The following CACNA1D variants were observed in gnomAD, a reference collection of about 807,000 sequenced individuals.
The protein encoded by CACNA1D is voltage-dependent L-type calcium channel subunit alpha-1D.
CACNA1D carries 55 observed loss-of-function variants against 257.1 expected under a neutral mutation model. The observed-to-expected ratio is 0.21, with a 90% CI of 0.17 to 0.27. CACNA1D has a LOEUF of 0.27. CACNA1D is among the 10% of genes least tolerant of loss of function. The pLI is 1.00. For missense variants in CACNA1D, 1,876 were observed against 2,784.0 expected (o/e 0.67, Z 7.34); for synonymous variants, 980 against 1,014.9 (o/e 0.97, Z 0.65).
Position 53,529,435 on chromosome 3 carries a change from GTTCTTGAGGGATATTGGGTCTGTACATT to G in CACNA1D, c.483+27721_483+27748del. 2.0e-5 allele frequency among the ~76,000 whole-genome samples: 3 copies of G among 152,240 alleles called. No homozygotes were observed. The South Asian group carries it at 6.2e-4, about 32-fold the overall frequency. ...TTTAGCATAGGCTTTTTACATGTAT[GTTCTTGAGGGATATTGGGTCTGTACATT>G]TTCTTTGTAATGTCCCTGTCTGGCT... On this transcript the variant is annotated intron_variant, in intron 3 of 47. Transcript: ENST00000350061.
chr3:53,554,822 G>A (rs973529373), intron 3 of CACNA1D, among the ~76,000 whole-genome samples: 1 of 152,134 alleles, frequency 6.6e-6, no homozygotes, highest in Non-Finnish European at 1.5e-5. Context: ...CCTAAAGCTG[G>A]TTAAGTTCTT....
At chr3:53,544,575 A>G (rs1459203787) in intron 3 of CACNA1D, among the ~76,000 whole-genome samples, 1 of 152,224 alleles carries the variant, frequency 6.6e-6, no homozygotes. Context: ...TGAGTCATCA[A>G]TCATTTGCCT....
At chr3:53,696,054 C>T (rs749163993) in intron 8 of CACNA1D, among the ~76,000 whole-genome samples, 5 of 152,182 alleles carry the variant, frequency 3.3e-5, no homozygotes, top group African/African-American at 1.2e-4. Flanking sequence ...ACCTCAACCT[C>T]CCAGGCTCGG....
At chr3:53,635,217 G>T (rs1170725700) in intron 3 of CACNA1D, among the ~76,000 whole-genome samples, 7 of 152,176 alleles carry the variant, frequency 4.6e-5, no homozygotes, top group African/African-American at 1.7e-4. Context: ...CGCCATGCCT[G>T]CTGGAGGACA....
intron 40 of CACNA1D, chr3:53,799,969 C>G (rs904610300): frequency 4.1e-6 from 2 of 485,554 alleles, no homozygotes; most frequent in Middle Eastern, 6.0e-4. Flanking sequence ...GATCCTAGCA[C>G]TAGTAACCAG....
intron 3 of CACNA1D, among the ~76,000 whole-genome samples, chr3:53,618,906 A>G (rs1028271345): frequency 6.6e-6 from 1 of 152,120 alleles, no homozygotes; most frequent in Middle Eastern, 3.2e-3. Flanking sequence ...TTTGACCTCA[A>G]TATCATTATT....
chr3:53,718,719 C>T lies in CACNA1D; in HGVS notation c.1478+331C>T, dbSNP rs1576451128. ...ACGGAGAGGCGCGGCCAAGGCGGGG[C>T]CCTCTGGGTGTCGGCGGTGGGGGTA... On this transcript the variant is annotated intron_variant, in intron 10 of 47. Coordinates refer to ENST00000350061, the MANE Select transcript of CACNA1D (RefSeq NM_001128840.3). 6.4e-7 allele frequency: 1 copy of T among 1,558,934 alleles called. No individual in the cohort carries two copies. The highest frequency in any genetic ancestry group is 8.7e-7 in the Non-Finnish European group (1 of 1,151,374).
chr3:53,546,044 C>A (rs2092405193), intron 3 of CACNA1D, among the ~76,000 whole-genome samples: 1 of 152,076 alleles, frequency 6.6e-6, no homozygotes, highest in African/African-American at 2.4e-5. Flanking sequence ...ATGTCTAAGG[C>A]TCGTGGATGG....
At chr3:53,505,110 T>C (rs1295230696) in intron 3 of CACNA1D, among the ~76,000 whole-genome samples, 3 of 142,924 alleles carry the variant, frequency 2.1e-5, no homozygotes, top group African/African-American at 7.9e-5. Flanking sequence ...TTTATTTGTT[T>C]ATTTGTTTTT....
chr3:53,800,419 A>G lies in CACNA1D; in HGVS notation c.5040+54A>G. 1.7e-6 allele frequency: 2 copies of G among 1,207,200 alleles called. No homozygotes were observed. Among genetic ancestry groups the G allele is most frequent in the Non-Finnish European group, 2.5e-6 (2 of 808,552 alleles). 74.8% of individuals were successfully genotyped at this position (1,207,200 alleles called of 1,614,324 possible). A position where few individuals can be genotyped will look rare whatever the true frequency, so the allele number is the denominator to read the frequency against. On this transcript the variant is annotated intron_variant, in intron 41 of 47. Coordinates refer to ENST00000350061, the MANE Select transcript of CACNA1D (RefSeq NM_001128840.3). The surrounding 1 kb of genome is among the most constrained non-coding windows in gnomAD (Gnocchi z 4.3). Reference sequence around the variant, plus strand: ...GGCCATCTGGAAATAGCAGGGCAGGACTCCAGTTTGGGCAGTTAATCATCC... The same window carrying G: ...GGCCATCTGGAAATAGCAGGGCAGGGCTCCAGTTTGGGCAGTTAATCATCC...
intron 39 of CACNA1D, among the ~76,000 whole-genome samples, chr3:53,784,461 T>C (rs2095442369): frequency 1.3e-5 from 2 of 152,230 alleles, no homozygotes; most frequent in South Asian, 2.1e-4. Context: ...GAACTCTTCC[T>C]TGGGCCCAGT....
intron 3 of CACNA1D, among the ~76,000 whole-genome samples, chr3:53,502,914 T>A (rs940011204): frequency 6.6e-6 from 1 of 152,172 alleles, no homozygotes; most frequent in African/African-American, 2.4e-5. Context: ...GTTCCGTTTG[T>A]TTTTGGCTTC....
chr3:53,616,440 T>C (rs2093637580), intron 3 of CACNA1D, among the ~76,000 whole-genome samples: 1 of 152,122 alleles, frequency 6.6e-6, no homozygotes, highest in African/African-American at 2.4e-5. Flanking sequence ...CTTTCTCTGC[T>C]CTCCCTCACA....
In CACNA1D at chr3:53,811,395, A is replaced by T; in HGVS notation, c.6475A>T (p.Thr2159Ser). ...EDLADEMICI[T>S]TL Reference sequence around the variant, plus strand: ...CCTGGCGGATGAAATGATATGCATCACCACCTTGTAGCCCCCAGCGAGGGG... The same window carrying T: ...CCTGGCGGATGAAATGATATGCATCTCCACCTTGTAGCCCCCAGCGAGGGG... Residue 2159 changes from threonine to serine, a missense_variant, in exon 48 of 48, where the codon ACC becomes TCC. Physicochemically the swap from Thr to Ser is moderately conservative, Grantham distance 58 (BLOSUM62 1). Coordinates refer to ENST00000350061, the MANE Select transcript of CACNA1D (RefSeq NM_001128840.3). This position sits in a 1 kb window ranked among gnomAD's most constrained non-coding sequence, Gnocchi z 4.2. 1.3e-6 allele frequency: 2 copies of T among 1,566,924 alleles called. No individual in the cohort carries two copies. The highest frequency in any genetic ancestry group is 2.4e-5 in the South Asian group (2 of 83,494).
At position 53,512,362 on chromosome 3, in the gene CACNA1D, GA is replaced by G. The variant is rs147756011; in HGVS notation, c.483+10645del. Reference sequence around the variant, plus strand: ...GTTGGTACTAGTGTGGTGGGGTAGAGAAAGCTTTGGCGTGTTTTAGGTTGGC... The same window carrying G: ...GTTGGTACTAGTGTGGTGGGGTAGAGAAGCTTTGGCGTGTTTTAGGTTGGC... On this transcript the variant is annotated intron_variant, in intron 3 of 47. Transcript: ENST00000350061. 8.1e-3 allele frequency among the ~76,000 whole-genome samples: 1,233 copies of G among 152,302 alleles called. 14 individuals are homozygous for G. Among genetic ancestry groups the G allele is most frequent in the African/African-American group, 0.028 (1,177 of 41,548 alleles).
rs1559814665 is a variant in CACNA1D at position 53,542,008 on chromosome 3, AG to A, written c.483+40291del. Reference sequence around the variant, plus strand: ...TTCAGGCAGGAGAGAGTGGGGTGATAGGGAGGTGATAGCTAAAAGATACAGG... The same window carrying A: ...TTCAGGCAGGAGAGAGTGGGGTGATAGGAGGTGATAGCTAAAAGATACAGG... On this transcript the variant is annotated intron_variant, in intron 3 of 47. Coordinates refer to ENST00000350061, the MANE Select transcript of CACNA1D (RefSeq NM_001128840.3). Among the ~76,000 whole-genome samples the A allele has an allele frequency of 8.5e-5, 13 of 152,310 alleles. 1 individual carries two copies. The South Asian group carries it at 2.7e-3, about 32-fold the overall frequency.
intron 3 of CACNA1D, among the ~76,000 whole-genome samples, chr3:53,555,854 G>C (rs964546328): frequency 5.9e-5 from 9 of 151,968 alleles, no homozygotes; most frequent in Non-Finnish European, 1.2e-4. Flanking sequence ...AGTAAAAATC[G>C]GGGTGTGTGC....
chr3:53,745,857 G>A lies in CACNA1D; in HGVS notation c.3149G>A (p.Ser1050Asn), dbSNP rs747040925. 2 of 1,613,886 alleles carry A rather than the reference G, an allele frequency of 1.2e-6. No homozygotes were observed. The highest frequency in any genetic ancestry group is 2.2e-5 in the South Asian group (2 of 91,078). ...KFYRCTDEAK[S>N]NPEECRGLFI... ...TATCGCTGTACGGATGAAGCCAAAA[G>A]TAACCCTGAAGAATGCAGGTGAGCG... The change falls in exon 25 of 48, where the codon AGT becomes AAT. Residue 1050 changes from serine to asparagine, a missense_variant. Transcript: ENST00000350061.
At chr3:53,806,012 C>G (rs1249314105) in intron 45 of CACNA1D, among the ~76,000 whole-genome samples, 1 of 143,250 alleles carries the variant, frequency 7.0e-6, no homozygotes, top group African/African-American at 2.7e-5. Context: ...CTTCCCTCCT[C>G]CTCCCTCATG....
Sources: allele counts gnomAD v4.1 joint callset (sites outside exome capture counted in the v4.1 genomes callset), GRCh38; gene constraint gnomAD v4.1.1; non-coding constraint Gnocchi (gnomAD v3.1); transcripts MANE v1.5; gene names NCBI Gene and HGNC (gene_info 2026-07-23, HGNC 2026-07-21).